The following LRRC37A2 variants were observed in gnomAD, a reference collection of about 807,000 sequenced individuals.
LRRC37A2 encodes leucine rich repeat containing 37 member A2.
LRRC37A2 carries 9 observed loss-of-function variants against 68.8 expected under a neutral mutation model. The ratio of observed to expected loss-of-function variants is 0.13; its 90% CI spans 0.08 to 0.23. The LOEUF (loss-of-function observed/expected upper bound fraction) is 0.23, where lower values mean the gene tolerates loss of function less well. Ranked by LOEUF, LRRC37A2 falls within the 10% of genes least tolerant of loss-of-function variation. LRRC37A2 has a pLI of 1.00. For missense variants in LRRC37A2, 168 were observed against 950.4 expected (o/e 0.18, Z 10.82); for synonymous variants, 63 against 367.6 (o/e 0.17, Z 9.48).
the LRRC37A2 span, among the ~76,000 whole-genome samples, chr17:46,709,675 A>C: frequency 4.0e-5 from 6 of 151,876 alleles, no homozygotes; most frequent in African/African-American, 1.5e-4. Flanking sequence ...TTGTATTTTT[A>C]GTATAGATGG....
chr17:46,557,533 A>ACCTCCTTT (rs1355626034), downstream of LRRC37A2: 1 of 421,674 alleles, frequency 2.4e-6, no homozygotes, highest in East Asian at 4.7e-5. Context: ...GATGACTTCT[A>ACCTCCTTT]CCTCCTTTCC....
chr17:46,494,262 G>T, the LRRC37A2 span, among the ~76,000 whole-genome samples: 1 of 150,700 alleles, frequency 6.6e-6, no homozygotes, highest in African/African-American at 2.5e-5. Flanking sequence ...TTGTCTTAGC[G>T]GTGTCTTTTT....
the LRRC37A2 span, among the ~76,000 whole-genome samples, chr17:46,789,717 A>T: frequency 6.6e-6 from 1 of 152,192 alleles, no homozygotes; most frequent in Non-Finnish European, 1.5e-5. Context: ...ATGGCTGGGC[A>T]CTTTGAGGCC....
chr17:46,558,342 G>A (rs1460987568), downstream of LRRC37A2, among the ~76,000 whole-genome samples: 2 of 109,962 alleles, frequency 1.8e-5, no homozygotes, highest in South Asian at 2.8e-4. Context: ...TTACAGGTGC[G>A]AGCTACCGCG....
the LRRC37A2 span, among the ~76,000 whole-genome samples, chr17:46,912,241 AAATGCTGC>A: frequency 6.6e-6 from 1 of 152,204 alleles, no homozygotes; most frequent in South Asian, 2.1e-4. Flanking sequence ...GGCTTCCTAG[AAATGCTGC>A]TGAGCCCTGC....
the LRRC37A2 span, chr17:47,017,479 C>T: frequency 4.6e-6 from 7 of 1,537,530 alleles, no homozygotes; most frequent in Non-Finnish European, 6.2e-6. Flanking sequence ...TCAGAGATGC[C>T]AGCCCCACCC....
chr17:46,809,482 G>T, the LRRC37A2 span, among the ~76,000 whole-genome samples: 33 of 152,122 alleles, frequency 2.2e-4, no homozygotes, highest in Non-Finnish European at 4.3e-4. Flanking sequence ...CAACACACAC[G>T]TACACACACT....
At chr17:46,864,955 A>G in the LRRC37A2 span, among the ~76,000 whole-genome samples, 1 of 152,116 alleles carries the variant, frequency 6.6e-6, no homozygotes, top group Non-Finnish European at 1.5e-5. Flanking sequence ...TCTAACGTAT[A>G]ATGGTTTGAA....
At chr17:46,941,885 C>T in the LRRC37A2 span, 1 of 979,728 alleles carries the variant, frequency 1.0e-6, no homozygotes, top group Non-Finnish European at 1.2e-6. Flanking sequence ...TGTACCTGGC[C>T]TCTAAGGTGA....
chr17:46,786,941 CTTTTTT>C, the LRRC37A2 span, among the ~76,000 whole-genome samples: 2 of 142,650 alleles, frequency 1.4e-5, no homozygotes, highest in Non-Finnish European at 3.1e-5. Flanking sequence ...TTTCTTTTTT[CTTTTTT>C]TTTTTTTTGA....
At chr17:46,932,544 T>G in the LRRC37A2 span, 1 of 523,852 alleles carries the variant, frequency 1.9e-6, no homozygotes, top group East Asian at 3.1e-5. Flanking sequence ...TTAGGCCATT[T>G]GTAGAGAAGG....
At chr17:46,777,189 G>A in the LRRC37A2 span, among the ~76,000 whole-genome samples, 3 of 152,042 alleles carry the variant, frequency 2.0e-5, no homozygotes, top group East Asian at 3.9e-4. Flanking sequence ...CAGCTTGGGC[G>A]ACAGAGCGAG....
the LRRC37A2 span, chr17:46,978,302 A>G: frequency 3.0e-6 from 1 of 335,284 alleles, no homozygotes; most frequent in African/African-American, 2.2e-5. Context: ...ACCAACGTAC[A>G]CACAAAACTC....
intron 11 of LRRC37A2, chr17:46,552,678 C>T (rs557021593): frequency 6.6e-5 from 5 of 75,476 alleles, no homozygotes; most frequent in South Asian, 9.9e-4. Context: ...TCTTCAGATT[C>T]AACTAGATCA....
the LRRC37A2 span, among the ~76,000 whole-genome samples, chr17:46,602,768 CT>C: frequency 6.8e-6 from 1 of 147,216 alleles, no homozygotes; most frequent in African/African-American, 2.6e-5. Flanking sequence ...TATTTTTCTC[CT>C]AGAGAATAAT....
the LRRC37A2 span, among the ~76,000 whole-genome samples, chr17:47,014,392 G>GAAA: frequency 1.0e-4 from 10 of 99,466 alleles, no homozygotes; most frequent in African/African-American, 3.8e-4. Context: ...TCCATCTCGA[G>GAAA]AAAAAAAAAA....
At chr17:46,886,460 A>G in the LRRC37A2 span, 1 of 152,224 alleles carries the variant, frequency 6.6e-6, no homozygotes, top group African/African-American at 2.4e-5. Context: ...GCTAAATGCA[A>G]TTAACTTGGG....
the LRRC37A2 span, chr17:46,768,824 C>A: frequency 1.9e-6 from 3 of 1,608,968 alleles, no homozygotes; most frequent in Non-Finnish European, 2.5e-6. This position sits in a 1 kb window ranked among gnomAD's most constrained non-coding sequence, Gnocchi z 5.0. Context: ...TGGCAGCTGG[C>A]CAACAGACCG....
At chr17:46,558,811 C>T (rs2057438753), downstream of LRRC37A2, 2 of 132,688 alleles carry the variant, frequency 1.5e-5, no homozygotes, top group East Asian at 4.9e-4. Context: ...ATATCAATCT[C>T]CCAGAAAAAG....
Sources: gnomAD v4.1 joint callset for allele counts (sites outside exome capture counted in the v4.1 genomes callset) on GRCh38, gnomAD v4.1.1 for gene constraint, Gnocchi (gnomAD v3.1) non-coding constraint, MANE v1.5 for transcripts, NCBI Gene and HGNC (gene_info 2026-07-23, HGNC 2026-07-21) for gene names.